The following ATP5PB variants were observed in gnomAD, a reference collection of about 807,000 sequenced individuals.
ATP5PB encodes the protein ATP synthase peripheral stalk subunit b, mitochondrial.
Under a neutral mutation model 34.5 loss-of-function variants are expected in ATP5PB, and 21 were observed. The observed-to-expected ratio is 0.61, with a 90% confidence interval of 0.43 to 0.88. ATP5PB has a LOEUF of 0.88. Among genes scored for constraint, ATP5PB ranks in the 40% least tolerant of loss-of-function variants. ATP5PB has a pLI of 0.00. For synonymous variants in ATP5PB, 108 were observed against 114.1 expected, an observed-to-expected ratio of 0.95 and a Z score of 0.34; for missense variants, 293 against 317.4, an observed-to-expected ratio of 0.92 and a Z score of 0.58.
intron 2 of ATP5PB, among the ~76,000 whole-genome samples, chr1:111,451,020 T>A (rs930398968): frequency 2.0e-4 from 31 of 152,186 alleles, no homozygotes; most frequent in Admixed American, 1.6e-3. Flanking sequence ...CACTATAAAC[T>A]TTCACCTAGG....
chr1:111,454,965 T>G (rs1012439599), intron 3 of ATP5PB, among the ~76,000 whole-genome samples: 8 of 152,190 alleles, frequency 5.3e-5, no homozygotes, highest in African/African-American at 1.9e-4. Context: ...CATTCTGTTG[T>G]AGGATGACAA....
chr1:111,461,205 C>G lies in ATP5PB; in HGVS notation c.*211C>G, dbSNP rs749607329. 4.3e-6 allele frequency: 2 copies of G among 467,442 alleles called. No individual in the cohort carries two copies. The highest frequency in any genetic ancestry group is 2.0e-5 in the African/African-American group (1 of 50,838). The allele number at this position is 467,442 out of a possible 1,614,324, so 29.0% of individuals were successfully genotyped here. ...TTCTTGCTCTGCCTTTGAGTTGTTC[C>G]GTGATCACTTCTGAATAAGCAGTTT... On this transcript the variant is annotated 3_prime_UTR_variant, in exon 7 of 7. Transcript: ENST00000369722.
At chr1:111,456,605 TTTG>T in intron 4 of ATP5PB, 22 bp from the exon 5 acceptor site, 4 of 1,605,920 alleles carry the variant, frequency 2.5e-6, no homozygotes, top group Non-Finnish European at 3.4e-6. Context: ...TTCACTGATC[TTTG>T]TTGTTGCTAT....
chr1:111,455,259 T>A lies in ATP5PB; in HGVS notation c.224-827T>A, dbSNP rs549237407. ...CCATAGGTGATAACAATGTTACATA[T>A]GATAGATGTTTCTTGCAAATTCATA... On this transcript the variant is annotated intron_variant, in intron 3 of 6. Coordinates refer to ENST00000369722, the MANE Select transcript of ATP5PB (RefSeq NM_001688.5). Among the ~76,000 whole-genome samples, 6 of 152,302 alleles carry A rather than the reference T, an allele frequency of 3.9e-5. No individual in the cohort carries two copies. The South Asian group carries it at 1.2e-3, about 32-fold the overall frequency.
rs894304349 is a variant in ATP5PB at position 111,453,758 on chromosome 1, CAATT to C, written c.78-449_78-446del. 7.2e-5 allele frequency among the ~76,000 whole-genome samples: 11 copies of C among 152,292 alleles called. No homozygotes were observed. In the East Asian group the frequency reaches 9.6e-4, roughly 13 times the overall value. On this transcript the variant is annotated intron_variant, in intron 2 of 6. Coordinates refer to ENST00000369722, the MANE Select transcript of ATP5PB (RefSeq NM_001688.5). The stretch of plus-strand genomic sequence containing the variant: ...TCTAAGCACGTCACATATATTAACT[CAATT>C]AATCCTCTCAACAACCATATAAGGT...
intron 5 of ATP5PB, 80 bp downstream of exon 5, chr1:111,456,835 G>A: frequency 1.4e-6 from 2 of 1,434,250 alleles, no homozygotes. Context: ...TATGAAGAAT[G>A]GTTAAATAGA....
intron 4 of ATP5PB, 45 bp downstream of exon 4, chr1:111,456,294 A>G (rs1313984482): frequency 5.3e-6 from 8 of 1,503,258 alleles, no homozygotes; most frequent in African/African-American, 1.4e-5. Context: ...TAGCAGAAAC[A>G]TGAAGGTCAT....
At chr1:111,457,312 A>C (rs369961943) in intron 5 of ATP5PB, among the ~76,000 whole-genome samples, 2 of 146,718 alleles carry the variant, frequency 1.4e-5, no homozygotes, top group East Asian at 2.0e-4. Context: ...GACTCTCTCA[A>C]ACACACACAC....
Position 111,456,114 on chromosome 1 carries a change from C to T in ATP5PB, c.252C>T (p.Ile84=), listed in dbSNP as rs866837295. The T allele has an allele frequency of 2.5e-6, 4 of 1,609,150 alleles. 1 individual carries two copies. The Middle Eastern group carries it at 5.6e-4, about 225-fold the overall frequency. ...CCTATGTACTCGGAACTGGGCTTATCTTGTACGCTTTATCCAAAGAAATAT... is the reference window on the plus strand; with the variant it reads ...CCTATGTACTCGGAACTGGGCTTATTTTGTACGCTTTATCCAAAGAAATAT... The part of the protein sequence containing the change: ...TGPYVLGTGL[I]LYALSKEIYV... The change falls in exon 4 of 7, where the codon ATC becomes ATT. Residue 84 remains isoleucine, a synonymous_variant. Coordinates refer to ENST00000369722, the MANE Select transcript of ATP5PB (RefSeq NM_001688.5).
chr1:111,460,548 C>T (rs78684122), intron 6 of ATP5PB, among the ~76,000 whole-genome samples: 3,025 of 150,848 alleles, frequency 0.02, 42 homozygotes, highest in East Asian at 0.049. Context: ...TATTTTCATT[C>T]TTAACATTTA....
chr1:111,450,173 A>G (rs1653276993), intron 2 of ATP5PB, among the ~76,000 whole-genome samples: 1 of 152,218 alleles, frequency 6.6e-6, no homozygotes, highest in Admixed American at 6.5e-5. Flanking sequence ...TATGACATGT[A>G]GCTTCCACAG....
intron 2 of ATP5PB, 124 bp downstream of exon 2, chr1:111,449,997 C>T (rs1019614013): frequency 1.6e-6 from 2 of 1,250,790 alleles, no homozygotes; most frequent in South Asian, 2.5e-5. Flanking sequence ...GACACTTAAA[C>T]CCTCTTTCAG....
At chr1:111,451,120 C>G (rs190595679) in intron 2 of ATP5PB, among the ~76,000 whole-genome samples, 2 of 152,106 alleles carry the variant, frequency 1.3e-5, no homozygotes, top group Admixed American at 6.5e-5. Context: ...TATGTCAATC[C>G]CCCACCAAGG....
At position 111,460,985 on chromosome 1, in the gene ATP5PB, A is replaced by G. The variant is rs369899764; in HGVS notation, c.762A>G (p.Pro254=). The G allele has an allele frequency of 1.1e-5, 18 of 1,612,142 alleles. No homozygotes were observed. The highest frequency in any genetic ancestry group is 4.5e-5 in the East Asian group (2 of 44,874). The part of the protein sequence containing the change: ...KLLAKKAQAQ[P]VM ...TGGCAAAGAAGGCTCAAGCACAGCC[A>G]GTTATGTAAATGTATCTATCCCAAT... The change falls in exon 7 of 7, where the codon CCA becomes CCG. Residue 254 remains proline, a synonymous_variant. Transcript: ENST00000369722.
intron 5 of ATP5PB, 95 bp from the exon 6 acceptor site, chr1:111,459,362 A>C (rs1653555615): frequency 8.2e-7 from 1 of 1,213,484 alleles, no homozygotes; most frequent in African/African-American, 1.5e-5. Context: ...CGTAAAATAC[A>C]AAAGAAGTGG....
At chr1:111,456,050 C>T (rs1453862474) in intron 3 of ATP5PB, 36 bp from the exon 4 acceptor site, 2 of 1,510,288 alleles carry the variant, frequency 1.3e-6, no homozygotes, top group Admixed American at 4.0e-5. Context: ...TTAGGCATAG[C>T]ATATCCCTTC....
rs533162388 is a variant in ATP5PB, at chr1:111,455,174, G to A, written c.223+818G>A. On this transcript the variant is annotated intron_variant, in intron 3 of 6. Coordinates refer to ENST00000369722, the MANE Select transcript of ATP5PB (RefSeq NM_001688.5). ...AGATTGTTTTTTTTTTAGCCCTGGA[G>A]TCACCTAAAGTAGCATTTTCCTAAC... Among the ~76,000 whole-genome samples the A allele has an allele frequency of 2.0e-5, 3 of 152,084 alleles. No individual in the cohort carries two copies. In the East Asian group the frequency reaches 5.8e-4, roughly 29 times the overall value.
chr1:111,454,419 T>C lies in ATP5PB; in HGVS notation c.223+63T>C, dbSNP rs949502095. On this transcript the variant is annotated intron_variant, in intron 3 of 6. Coordinates refer to ENST00000369722, the MANE Select transcript of ATP5PB (RefSeq NM_001688.5). ...ATGGCACCACTAAAATCAAGTTAGGTGGGTTTTCTTCTTTGGTTTTTGTTG... is the reference window on the plus strand; with the variant it reads ...ATGGCACCACTAAAATCAAGTTAGGCGGGTTTTCTTCTTTGGTTTTTGTTG... 1.6e-5 allele frequency: 25 copies of C among 1,522,434 alleles called. No homozygotes were observed. The Admixed American group carries it at 5.6e-4, about 34-fold the overall frequency. The allele number at this position is 1,522,434 out of a possible 1,614,324, so 94.3% of individuals were successfully genotyped here.
intron 2 of ATP5PB, among the ~76,000 whole-genome samples, chr1:111,452,857 T>C (rs1653371904): frequency 6.6e-6 from 1 of 152,200 alleles, no homozygotes; most frequent in Non-Finnish European, 1.5e-5. Flanking sequence ...CCAGACATTC[T>C]ACAATGCACA....
Sources: allele counts gnomAD v4.1 joint callset (sites outside exome capture counted in the v4.1 genomes callset), GRCh38; gene constraint gnomAD v4.1.1; transcripts MANE v1.5; gene names NCBI Gene and HGNC (gene_info 2026-07-23, HGNC 2026-07-21).